Variants in COBLL1 observed in about 807,000 individuals in gnomAD.
COBLL1 encodes cordon-bleu WH2 repeat protein like 1, also known as cordon-bleu protein-like 1.
In COBLL1, 50 loss-of-function variants were observed where a neutral mutation model predicts 94.8. The ratio of observed to expected loss-of-function variants is 0.53; its 90% CI spans 0.42 to 0.67. The LOEUF (loss-of-function observed/expected upper bound fraction) is 0.67, where lower values mean the gene tolerates loss of function less well. COBLL1 is among the 30% of genes least tolerant of loss of function. The probability of loss-of-function intolerance (pLI) is 0.00; values close to 1 mark genes in which losing one functional copy is unlikely to be tolerated. For missense variants in COBLL1, 1,362 were observed against 1,348.7 expected (o/e 1.01, Z -0.15); for synonymous variants, 448 against 473.8 (o/e 0.95, Z 0.71).
chr2:164,703,259 C>A, intron 9 of COBLL1: 1 of 1,397,238 alleles, frequency 7.2e-7, no homozygotes, highest in Non-Finnish European at 1.0e-6. Flanking sequence ...GGCACTTAGA[C>A]AACAGAGTTA....
intron 2 of COBLL1, among the ~76,000 whole-genome samples, chr2:164,835,967 G>T (rs1683299754): frequency 6.6e-6 from 1 of 152,046 alleles, no homozygotes; most frequent in Admixed American, 6.6e-5. Context: ...AAAAGTAGTT[G>T]TCTTAATAAC....
chr2:164,749,798 A>T (rs1486278350), intron 2 of COBLL1, among the ~76,000 whole-genome samples: 4 of 150,536 alleles, frequency 2.7e-5, no homozygotes, highest in African/African-American at 4.9e-5. Flanking sequence ...CTCATATTAC[A>T]TTTTTTTTTT....
Position 164,680,355 on chromosome 2 carries a change from A to C in COBLL1, c.*5591T>G, listed in dbSNP as rs1435561367. On this transcript the variant is annotated 3_prime_UTR_variant, in exon 14 of 14. Transcript: ENST00000652658. Reference sequence around the variant, plus strand: ...ATGATGACATTACCAAAATTTCCTAAGTATATTATTTTCTGATCCCTTGAA... The same window carrying C: ...ATGATGACATTACCAAAATTTCCTACGTATATTATTTTCTGATCCCTTGAA... 6.6e-6 allele frequency: 1 copy of C among 152,084 alleles called. No individual in the cohort carries two copies. The highest frequency in any genetic ancestry group is 1.5e-5 in the Non-Finnish European group (1 of 67,996). 9.4% of individuals were successfully genotyped at this position (152,084 alleles called of 1,614,324 possible). A position where few individuals can be genotyped will look rare whatever the true frequency, so the allele number is the denominator to read the frequency against.
rs1305628211 is a variant in COBLL1, at chr2:164,680,957, C to A, written c.*4989G>T. The A allele has an allele frequency of 6.6e-6, 1 of 151,870 alleles. No homozygotes were observed. Among genetic ancestry groups the A allele is most frequent in the Non-Finnish European group, 1.5e-5 (1 of 67,988 alleles). 9.4% of individuals were successfully genotyped at this position (151,870 alleles called of 1,614,324 possible). A position where few individuals can be genotyped will look rare whatever the true frequency, so the allele number is the denominator to read the frequency against. On this transcript the variant is annotated 3_prime_UTR_variant, in exon 14 of 14. Transcript: ENST00000652658. ...AGGGAGAGAATATACTTTTGCACTACGACTAAGAAAAAAAATATTTAGAAT... is the reference window on the plus strand; with the variant it reads ...AGGGAGAGAATATACTTTTGCACTAAGACTAAGAAAAAAAATATTTAGAAT...
chr2:164,800,752 G>T (rs922650280), intron 2 of COBLL1, among the ~76,000 whole-genome samples: 1 of 152,048 alleles, frequency 6.6e-6, no homozygotes, highest in Non-Finnish European at 1.5e-5. Context: ...ACACGTAAAA[G>T]TTAGATGAAT....
chr2:164,781,367 T>C (rs1454530092), intron 2 of COBLL1, among the ~76,000 whole-genome samples: 2 of 152,206 alleles, frequency 1.3e-5, no homozygotes, highest in African/African-American at 4.8e-5. Context: ...CTGATAAAAA[T>C]AAAATTGCTA....
chr2:164,840,989 C>G (rs990658018), intron 2 of COBLL1, among the ~76,000 whole-genome samples, 167 bp downstream of exon 2: 1 of 152,112 alleles, frequency 6.6e-6, no homozygotes. Flanking sequence ...CGGGCGGCCT[C>G]CGAGAAGGCC....
At chr2:164,812,808 T>TA (rs1277030605) in intron 2 of COBLL1, among the ~76,000 whole-genome samples, 10 of 152,052 alleles carry the variant, frequency 6.6e-5, no homozygotes, top group South Asian at 2.1e-4. Flanking sequence ...AAAGACTTTG[T>TA]AAAAAAAAGT....
At chr2:164,740,347 A>C (rs1686526054) in intron 3 of COBLL1, among the ~76,000 whole-genome samples, 2 of 152,244 alleles carry the variant, frequency 1.3e-5, no homozygotes, top group African/African-American at 4.8e-5. Context: ...TGTGTGACTG[A>C]AACCCCATCT....
chr2:164,707,769 A>G (rs1684680592), intron 7 of COBLL1, among the ~76,000 whole-genome samples: 2 of 152,196 alleles, frequency 1.3e-5, no homozygotes, highest in Non-Finnish European at 2.9e-5. Flanking sequence ...GACCAGGGGC[A>G]CGTGTAAAGC....
chr2:164,752,205 C>A (rs1295423912), intron 2 of COBLL1, among the ~76,000 whole-genome samples: 2 of 152,154 alleles, frequency 1.3e-5, no homozygotes, highest in East Asian at 3.9e-4. Flanking sequence ...TTTTTACCTG[C>A]ACTAACTCGT....
At chr2:164,720,681 G>A (rs929105198) in intron 7 of COBLL1, among the ~76,000 whole-genome samples, 1 of 152,120 alleles carries the variant, frequency 6.6e-6, no homozygotes, top group Admixed American at 6.5e-5. Flanking sequence ...TGCTTACCAT[G>A]CTTAATTTCA....
At chr2:164,664,669 T>C (rs1271563312) in intron 2 of COBLL1, among the ~76,000 whole-genome samples, 2 of 152,194 alleles carry the variant, frequency 1.3e-5, no homozygotes, top group East Asian at 3.8e-4. Flanking sequence ...TAATAACAGG[T>C]GAGGAAGAAC....
At chr2:164,770,365 A>T (rs1032715042) in intron 2 of COBLL1, among the ~76,000 whole-genome samples, 1 of 152,142 alleles carries the variant, frequency 6.6e-6, no homozygotes, top group Non-Finnish European at 1.5e-5. Flanking sequence ...TGTCTTCTGA[A>T]ATGACATCTA....
chr2:164,717,793 G>T (rs2105487911), intron 7 of COBLL1, among the ~76,000 whole-genome samples: 1 of 152,182 alleles, frequency 6.6e-6, no homozygotes, highest in South Asian at 2.1e-4. Context: ...TGAACTCCCG[G>T]CTTTTAAGTG....
chr2:164,772,910 A>G (rs1488734604), intron 2 of COBLL1, among the ~76,000 whole-genome samples: 3 of 152,136 alleles, frequency 2.0e-5, no homozygotes, highest in Non-Finnish European at 2.9e-5. Flanking sequence ...TAGCAAAATT[A>G]TATGTAATCG....
intron 2 of COBLL1, among the ~76,000 whole-genome samples, chr2:164,770,080 T>G (rs1201928250): frequency 1.3e-5 from 2 of 152,194 alleles, no homozygotes; most frequent in Non-Finnish European, 2.9e-5. Flanking sequence ...CTGTGAGTTG[T>G]TGTTTTGTAA....
chr2:164,761,622 G>A (rs1032870091), intron 2 of COBLL1, among the ~76,000 whole-genome samples: 3 of 152,070 alleles, frequency 2.0e-5, no homozygotes, highest in Admixed American at 2.0e-4. Context: ...TCTATTATAG[G>A]CCTTTATCTA....
At chr2:164,687,498 C>T (rs993959020) in intron 13 of COBLL1, 3 of 1,461,928 alleles carry the variant, frequency 2.1e-6, no homozygotes, top group African/African-American at 2.8e-5. Flanking sequence ...CCTTGTTCTG[C>T]AGCTTGGTGC....
Sources: allele counts gnomAD v4.1 joint callset (sites outside exome capture counted in the v4.1 genomes callset), GRCh38; gene constraint gnomAD v4.1.1; transcripts MANE v1.5; gene names NCBI Gene and HGNC (gene_info 2026-07-23, HGNC 2026-07-21).